Variants in TMEM126B observed in about 807,000 individuals in gnomAD.
TMEM126B encodes the protein complex I assembly factor TMEM126B, mitochondrial.
In TMEM126B, 19 loss-of-function variants were observed where a neutral mutation model predicts 16.5. The ratio of observed to expected loss-of-function variants is 1.15; its 90% CI spans 0.80 to 1.69. TMEM126B has a LOEUF of 1.69. Among genes scored for constraint, TMEM126B ranks in the 40% most tolerant of loss-of-function variants. The pLI, the probability that TMEM126B is intolerant of heterozygous loss-of-function variation, is 0.00. For synonymous variants in TMEM126B, 104 were observed against 93.2 expected, an observed-to-expected ratio of 1.12 and a Z score of -0.67; for missense variants, 293 against 278.7, an observed-to-expected ratio of 1.05 and a Z score of -0.37.
chr11:85,629,085 G>A (rs1164023836), intron 1 of TMEM126B: 1 of 580,340 alleles, frequency 1.7e-6, no homozygotes, highest in African/African-American at 1.9e-5. Context: ...TTAGGTTGTT[G>A]GGTTTTTCGT....
rs775616227 is a variant in TMEM126B, at chr11:85,636,187, A to C, written c.651A>C (p.Ala217=). 6.4e-7 allele frequency: 1 copy of C among 1,569,094 alleles called. No individual in the cohort carries two copies. Among genetic ancestry groups the C allele is most frequent in the African/African-American group, 1.4e-5 (1 of 73,004 alleles). ...TATTAAATGGTCTATACCATTATGC[A>C]GTATTTGAAGAGACACTTGAGAAAA... ...FGILNGLYHY[A]VFEETLEKTI... The change falls in exon 5 of 5, where the codon GCA becomes GCC. Residue 217 remains alanine, a synonymous_variant. Coordinates refer to ENST00000358867, the MANE Select transcript of TMEM126B (RefSeq NM_018480.7).
At chr11:85,631,854 T>C (rs749539943) in intron 2 of TMEM126B, 46 bp downstream of exon 2, 2 of 1,556,480 alleles carry the variant, frequency 1.3e-6, no homozygotes, top group African/African-American at 2.8e-5. Context: ...TATTTGCAAG[T>C]CTTTTGTATT....
intron 1 of TMEM126B, among the ~76,000 whole-genome samples, chr11:85,630,594 T>A (rs1234964655): frequency 6.6e-6 from 1 of 152,200 alleles, no homozygotes; most frequent in Non-Finnish European, 1.5e-5. Context: ...TCAGAAACGA[T>A]CCTCTCTGAG....
intron 1 of TMEM126B, chr11:85,629,234 A>T: frequency 1.6e-6 from 2 of 1,289,396 alleles, no homozygotes; most frequent in South Asian, 2.5e-5. Flanking sequence ...TCCCTAAATT[A>T]TGAGCGAATG....
At chr11:85,632,697 TA>T (rs1456201249) in intron 2 of TMEM126B, among the ~76,000 whole-genome samples, 4 of 152,186 alleles carry the variant, frequency 2.6e-5, no homozygotes, top group African/African-American at 9.6e-5. Context: ...TGTACAGTTA[TA>T]TGAGTTTTAG....
At chr11:85,630,916 T>G (rs2082284517) in intron 1 of TMEM126B, among the ~76,000 whole-genome samples, 1 of 152,156 alleles carries the variant, frequency 6.6e-6, no homozygotes, top group Admixed American at 6.5e-5. Flanking sequence ...ATACAAAAAT[T>G]AGCCGGGTGT....
chr11:85,635,664 C>T lies in TMEM126B; in HGVS notation c.398-3C>T, dbSNP rs771730710. 6.3e-7 allele frequency: 1 copy of T among 1,598,960 alleles called. No individual in the cohort carries two copies. Among genetic ancestry groups the T allele is most frequent in the Non-Finnish European group, 8.5e-7 (1 of 1,174,960 alleles). On this transcript the variant is annotated splice_polypyrimidine_tract_variant and splice_region_variant and intron_variant, in intron 3 of 4. Coordinates refer to ENST00000358867, the MANE Select transcript of TMEM126B (RefSeq NM_018480.7). The stretch of plus-strand genomic sequence containing the variant: ...GAAAACCAAATTTACTTTTGTTTTC[C>T]AGATAATATAAGCAAGGAAAACTGT...
chr11:85,633,489 G>A (rs1326574852), intron 2 of TMEM126B, among the ~76,000 whole-genome samples: 1 of 152,176 alleles, frequency 6.6e-6, no homozygotes, highest in Non-Finnish European at 1.5e-5. Flanking sequence ...TTTAATGATT[G>A]CCATTCTAAT....
chr11:85,629,333 T>C (rs766185823), intron 1 of TMEM126B: 20 of 992,014 alleles, frequency 2.0e-5, no homozygotes, highest in Non-Finnish European at 2.8e-5. Context: ...TACAAAACCG[T>C]TAGATGATTT....
At chr11:85,632,246 T>C (rs779120481) in intron 2 of TMEM126B, among the ~76,000 whole-genome samples, 2 of 152,154 alleles carry the variant, frequency 1.3e-5, no homozygotes, top group Non-Finnish European at 2.9e-5. Context: ...CATTAACATA[T>C]TGACTTTTTT....
chr11:85,632,808 T>C (rs911937608), intron 2 of TMEM126B, among the ~76,000 whole-genome samples: 4 of 152,080 alleles, frequency 2.6e-5, no homozygotes, highest in Admixed American at 2.0e-4. Context: ...TTTTTTATTT[T>C]ATTATTATTA....
chr11:85,634,442 C>T (rs2082362094), intron 3 of TMEM126B, 163 bp downstream of exon 3: 2 of 563,172 alleles, frequency 3.6e-6, no homozygotes, highest in South Asian at 5.1e-5. Context: ...CAACAATCCT[C>T]CTAATCAGGT....
At chr11:85,629,097 T>G in intron 1 of TMEM126B, 1 of 659,268 alleles carries the variant, frequency 1.5e-6, no homozygotes. Context: ...GTTTTTCGTT[T>G]ATGTCACTCT....
chr11:85,632,338 G>A (rs1211181879), intron 2 of TMEM126B, among the ~76,000 whole-genome samples: 2 of 152,146 alleles, frequency 1.3e-5, no homozygotes, highest in African/African-American at 4.8e-5. Flanking sequence ...CCAGCTCCCA[G>A]GTTCAAGTGA....
rs546617152 is a variant in TMEM126B, at chr11:85,634,086, G to T, written c.204G>T (p.Met68Ile). The change falls in exon 3 of 5, where the codon ATG (methionine) becomes ATT (isoleucine). Residue 68 changes from methionine (M) to isoleucine (I), a missense_variant and splice_region_variant. By Grantham distance (10) the Met-to-Ile change is conservative (BLOSUM62 1). Transcript: ENST00000358867. ...CTGAATTTTTCTTTTTTTCTATTAG[G>T]ACACAAAATATATATCAAATGGCGA... is the stretch of plus-strand genomic sequence containing the variant. ...EKNFDYLRKE[M>I]TQNIYQMATF... The T allele has an allele frequency of 5.0e-5, 80 of 1,609,262 alleles. 2 individuals carry two copies. In the South Asian group the frequency reaches 8.5e-4, roughly 17 times the overall value.
Position 85,634,199 on chromosome 11 carries a change from C to G in TMEM126B, c.317C>G (p.Thr106Arg). ...AAGGTTAAACATGATGCTTTGAAGA[C>G]ATATGCATCATTGGCTACACTTCCA... ...CFKVKHDALK[T>R]YASLATLPFL... is the part of the protein sequence containing the mutation. The change falls in exon 3 of 5, where the codon ACA becomes AGA. Residue 106 changes from threonine to arginine, a missense_variant. By Grantham distance (71) the Thr-to-Arg change is moderately conservative (BLOSUM62 -1). Transcript: ENST00000358867. The G allele has an allele frequency of 6.2e-7, 1 of 1,613,122 alleles. No individual in the cohort carries two copies. The highest frequency in any genetic ancestry group is 2.2e-5 in the East Asian group (1 of 44,828).
At chr11:85,628,759 A>G in intron 1 of TMEM126B, 71 bp downstream of exon 1, 2 of 1,415,412 alleles carry the variant, frequency 1.4e-6, no homozygotes, top group Non-Finnish European at 9.6e-7. Flanking sequence ...CTCTTCTAAG[A>G]TGATACCTTT....
chr11:85,628,966 A>C (rs1323715949), intron 1 of TMEM126B, among the ~76,000 whole-genome samples: 1 of 152,090 alleles, frequency 6.6e-6, no homozygotes, highest in African/African-American at 2.4e-5. Context: ...CCCTGCTTCT[A>C]TCCGTCCCAA....
chr11:85,634,864 C>A (rs1049910284), intron 3 of TMEM126B: 1 of 152,414 alleles, frequency 6.6e-6, no homozygotes, highest in African/African-American at 2.4e-5. Flanking sequence ...CCAGGGAGAC[C>A]TCTGATTGCC....
Sources: gnomAD v4.1 joint callset for allele counts (sites outside exome capture counted in the v4.1 genomes callset) on GRCh38, gnomAD v4.1.1 for gene constraint, MANE v1.5 for transcripts, NCBI Gene and HGNC (gene_info 2026-07-23, HGNC 2026-07-21) for gene names.